The following BAMBI variants were observed in gnomAD, a reference collection of about 807,000 sequenced individuals.
The protein encoded by BAMBI is BMP and activin membrane bound inhibitor.
BAMBI carries 21 observed loss-of-function variants against 24.1 expected under a neutral mutation model. That is an observed-to-expected ratio of 0.87 (90% confidence interval 0.62 to 1.26). The LOEUF is 1.26. BAMBI is among the 50% of genes most tolerant of loss of function. The probability of loss-of-function intolerance (pLI) is 0.00; values close to 1 mark genes in which losing one functional copy is unlikely to be tolerated. For missense variants in BAMBI, 388 were observed against 329.1 expected, an observed-to-expected ratio of 1.18 and a Z score of -1.38; for synonymous variants, 156 against 123.1, an observed-to-expected ratio of 1.27 and a Z score of -1.77.
At chr10:28,681,653 A>G in intron 2 of BAMBI, 108 bp downstream of exon 2, 1 of 1,252,184 alleles carries the variant, frequency 8.0e-7, no homozygotes, top group South Asian at 1.4e-5. Flanking sequence ...AATTAGAGAC[A>G]CCAGAGGGAG....
intron 1 of BAMBI, among the ~76,000 whole-genome samples, chr10:28,678,318 G>A (rs1256016980): frequency 6.6e-6 from 1 of 152,198 alleles, no homozygotes; most frequent in African/African-American, 2.4e-5. Context: ...CTGGCCTGTA[G>A]CTGCCGCGTG....
At chr10:28,678,263 C>G (rs1029539899) in intron 1 of BAMBI, among the ~76,000 whole-genome samples, 6 of 152,174 alleles carry the variant, frequency 3.9e-5, no homozygotes, top group Non-Finnish European at 7.3e-5. Flanking sequence ...GACGCCGCCG[C>G]TTCCGCACCC....
Position 28,682,433 on chromosome 10 carries a change from A to G in BAMBI, c.*32A>G, listed in dbSNP as rs373966687. On this transcript the variant is annotated 3_prime_UTR_variant, in exon 3 of 3. Coordinates refer to ENST00000375533, the MANE Select transcript of BAMBI (RefSeq NM_012342.3). The stretch of plus-strand genomic sequence containing the variant: ...CTTATCTGAACTACACTTACTGAAC[A>G]GCTTGAAGGCCTTTTGAGTTCTGCT... The G allele has an allele frequency of 3.7e-5, 59 of 1,578,610 alleles. No homozygotes were observed. Among genetic ancestry groups the G allele is most frequent in the Non-Finnish European group, 4.2e-5 (49 of 1,157,042 alleles).
chr10:28,681,020 ACT>A (rs1212255234), intron 1 of BAMBI, among the ~76,000 whole-genome samples: 2 of 152,288 alleles, frequency 1.3e-5, no homozygotes, highest in African/African-American at 4.8e-5. Flanking sequence ...TTTTAAAATG[ACT>A]CTAAACTCCT....
rs773103696 is a variant in BAMBI at position 28,682,087 on chromosome 10, G to A, written c.469G>A (p.Val157Met). 9.3e-6 allele frequency: 15 copies of A among 1,614,128 alleles called. No individual in the cohort carries two copies. The highest frequency in any genetic ancestry group is 4.4e-5 in the South Asian group (4 of 91,084). ...GTGGTTCCGGGCAGCGGTCATTGCC[G>A]TGCCCATTGCTGGAGGGCTGATTTT... is the stretch of plus-strand genomic sequence containing the variant. The part of the protein sequence containing the change: ...ELWFRAAVIA[V>M]PIAGGLILVL... The change falls in exon 3 of 3, where the codon GTG becomes ATG. Residue 157 changes from valine to methionine, a missense_variant. Transcript: ENST00000375533.
At position 28,681,384 on chromosome 10, in the gene BAMBI, G is replaced by A; in HGVS notation, c.203G>A (p.Gly68Asp). ...AACTCAAATTCCCCACTCACCCATG[G>A]CTGCCTGGACTCTCTTGCAAGCACG... ...PQNSNSPLTH[G>D]CLDSLASTTD... Residue 68 changes from glycine to aspartate, a missense_variant, in exon 2 of 3, where the codon GGC becomes GAC. Gly to Asp is a moderately conservative substitution (Grantham distance 94). Coordinates refer to ENST00000375533, the MANE Select transcript of BAMBI (RefSeq NM_012342.3). 1 of 1,614,116 alleles carries A rather than the reference G, an allele frequency of 6.2e-7. No individual in the cohort carries two copies. Among genetic ancestry groups the A allele is most frequent in the South Asian group, 1.1e-5 (1 of 91,084 alleles).
chr10:28,681,189 C>T lies in BAMBI; in HGVS notation c.77-69C>T. 2.0e-6 allele frequency: 3 copies of T among 1,488,764 alleles called. 1 individual carries two copies. The highest frequency in any genetic ancestry group is 2.5e-5 in the South Asian group (2 of 79,014). 92.2% of individuals were successfully genotyped at this position (1,488,764 alleles called of 1,614,324 possible). ...TCATGCCTTTGAATTTGGGATTTAG[C>T]AGTTGCCTAAATAGTTGCTTTATCT... On this transcript the variant is annotated intron_variant, in intron 1 of 2. Transcript: ENST00000375533.
At chr10:28,681,772 C>A in intron 2 of BAMBI, 1 of 733,106 alleles carries the variant, frequency 1.4e-6, no homozygotes, top group Non-Finnish European at 2.2e-6. Context: ...ATTTTGAAGA[C>A]ATTAAAAGGC....
Position 28,677,726 on chromosome 10 carries a change from C to G in BAMBI, c.-172C>G. 3.2e-6 allele frequency: 1 copy of G among 316,190 alleles called. No individual in the cohort carries two copies. The highest frequency in any genetic ancestry group is 5.6e-6 in the Non-Finnish European group (1 of 179,878). The allele number at this position is 316,190 out of a possible 1,614,324, so 19.6% of individuals were successfully genotyped here. A position where few individuals can be genotyped will look rare whatever the true frequency, so the allele number is the denominator to read the frequency against. ...GGAAACTTTTCTGGGCTCCTGGGCG[C>G]GCCCTGTAGCCGCGCTCCATGCTCC... On this transcript the variant is annotated 5_prime_UTR_variant, in exon 1 of 3. Transcript: ENST00000375533.
rs1476931887 is a variant in BAMBI at position 28,677,557 on chromosome 10, G to C, written c.-341G>C. The C allele has an allele frequency of 5.8e-6, 1 of 171,018 alleles. No homozygotes were observed. The highest frequency in any genetic ancestry group is 2.4e-3 in the Middle Eastern group (1 of 416). 10.6% of individuals were successfully genotyped at this position (171,018 alleles called of 1,614,324 possible). On this transcript the variant is annotated 5_prime_UTR_variant, in exon 1 of 3. Coordinates refer to ENST00000375533, the MANE Select transcript of BAMBI (RefSeq NM_012342.3). ...GGCGGGAGCTGCGGCGGATACCCTTGCGTGCTGTGGAGACCCTACTCTCTT... is the reference window on the plus strand; with the variant it reads ...GGCGGGAGCTGCGGCGGATACCCTTCCGTGCTGTGGAGACCCTACTCTCTT...
chr10:28,679,130 C>T (rs1834470311), intron 1 of BAMBI, among the ~76,000 whole-genome samples: 1 of 152,174 alleles, frequency 6.6e-6, no homozygotes, highest in Non-Finnish European at 1.5e-5. Context: ...TAAATAACAG[C>T]CCTTGTGGCT....
At position 28,682,285 on chromosome 10, in the gene BAMBI, G is replaced by A. The variant is rs765591573; in HGVS notation, c.667G>A (p.Glu223Lys). The change falls in exon 3 of 3, where the codon GAG (glutamate) becomes AAG (lysine). Residue 223 changes from glutamate (E) to lysine (K), a missense_variant. Coordinates refer to ENST00000375533, the MANE Select transcript of BAMBI (RefSeq NM_012342.3). ...LECMVPVSGH[E>K]NCCLTCDKMR... ...ATGCATGGTGCCGGTCAGTGGGCAC[G>A]AGAACTGCTGTCTGACCTGTGATAA... The A allele has an allele frequency of 2.3e-5, 37 of 1,614,000 alleles. No individual in the cohort carries two copies. Among genetic ancestry groups the A allele is most frequent in the Non-Finnish European group, 3.1e-5 (36 of 1,180,036 alleles).
chr10:28,680,468 C>A (rs1465997522), intron 1 of BAMBI, among the ~76,000 whole-genome samples: 2 of 152,116 alleles, frequency 1.3e-5, no homozygotes, highest in Non-Finnish European at 2.9e-5. Flanking sequence ...TTCAGTGTTT[C>A]CCCTTTTAGA....
rs956645189 is a variant in BAMBI at position 28,682,930 on chromosome 10, T to C, written c.*529T>C. On this transcript the variant is annotated 3_prime_UTR_variant, in exon 3 of 3. Transcript: ENST00000375533. ...TTAAACAAGACCAAGATCTTGCTTA[T>C]TCTTCCATGTGCCTGTGTAATTTTC... 1 of 152,458 alleles carries C rather than the reference T, an allele frequency of 6.6e-6. No individual in the cohort carries two copies. The highest frequency in any genetic ancestry group is 1.5e-5 in the Non-Finnish European group (1 of 68,252). The allele number at this position is 152,458 out of a possible 1,614,324, so 9.4% of individuals were successfully genotyped here.
chr10:28,678,965 A>G (rs1411363114), intron 1 of BAMBI, among the ~76,000 whole-genome samples: 2 of 151,006 alleles, frequency 1.3e-5, no homozygotes, highest in Admixed American at 6.7e-5. Context: ...CTGTGAACAG[A>G]TAATTTTTTT....
chr10:28,680,864 G>A (rs1385546140), intron 1 of BAMBI, among the ~76,000 whole-genome samples: 1 of 152,044 alleles, frequency 6.6e-6, no homozygotes, highest in Non-Finnish European at 1.5e-5. Flanking sequence ...CAGTAGTTCC[G>A]ATCAAATATT....
Position 28,682,021 on chromosome 10 carries a change from C to CT in BAMBI, c.405dup (p.Ile136TyrfsTer44). The CT allele has an allele frequency of 6.2e-7, 1 of 1,614,048 alleles. No individual in the cohort carries two copies. On this transcript the variant is annotated frameshift_variant, in exon 3 of 3. Transcript: ENST00000375533. LOFTEE classifies it high-confidence loss of function. ...GTATCAGCATGATGGTAGCAGAAAC[C>CT]TTATCACCAAGGTGCAGGAGCTGAC...
chr10:28,680,010 G>C (rs1366696558), intron 1 of BAMBI, among the ~76,000 whole-genome samples: 1 of 152,166 alleles, frequency 6.6e-6, no homozygotes, highest in African/African-American at 2.4e-5. Flanking sequence ...GGTGAAAACT[G>C]AGCATACAAT....
In BAMBI at chr10:28,682,263, C is replaced by T. The variant is rs989917730; in HGVS notation, c.645C>T (p.Cys215=). The T allele has an allele frequency of 1.2e-6, 2 of 1,614,002 alleles. No homozygotes were observed. The highest frequency in any genetic ancestry group is 2.7e-5 in the African/African-American group (2 of 74,900). ...AGGTTGCAAAGTTAGACTTGGAATG[C>T]ATGGTGCCGGTCAGTGGGCACGAGA... ...KGQVAKLDLE[C]MVPVSGHENC... Residue 215 remains cysteine (C), a synonymous_variant, in exon 3 of 3, where the codon TGC becomes TGT. Coordinates refer to ENST00000375533, the MANE Select transcript of BAMBI (RefSeq NM_012342.3).
Sources: gnomAD v4.1 joint callset for allele counts (sites outside exome capture counted in the v4.1 genomes callset) on GRCh38, gnomAD v4.1.1 for gene constraint, MANE v1.5 for transcripts, NCBI Gene and HGNC (gene_info 2026-07-23, HGNC 2026-07-21) for gene names.